Variants in NRG1 observed in about 807,000 individuals in gnomAD.
NRG1 encodes the protein neuregulin 1, also known as pro-neuregulin-1, membrane-bound isoform.
NRG1 carries 18 observed loss-of-function variants against 63.8 expected under a neutral mutation model. The ratio of observed to expected loss-of-function variants is 0.28; its 90% CI spans 0.19 to 0.42. NRG1 has a LOEUF of 0.42. NRG1 is among the 10% of genes least tolerant of loss of function. The probability of loss-of-function intolerance (pLI) is 1.00; values close to 1 mark genes in which losing one functional copy is unlikely to be tolerated. For synonymous variants in NRG1, 302 were observed against 301.3 expected, an observed-to-expected ratio of 1.00 and a Z score of -0.02; for missense variants, 762 against 814.7, an observed-to-expected ratio of 0.94 and a Z score of 0.79.
chr8:32,404,707 C>G (rs1161572229), intron 1 of NRG1, among the ~76,000 whole-genome samples: 1 of 151,732 alleles, frequency 6.6e-6, no homozygotes, highest in East Asian at 1.9e-4. Flanking sequence ...GCCTCAGCCT[C>G]CCTAGTAACT....
At chr8:31,964,353 G>A (rs1047084393) in intron 1 of NRG1, among the ~76,000 whole-genome samples, 1 of 152,204 alleles carries the variant, frequency 6.6e-6, no homozygotes, top group African/African-American at 2.4e-5. Context: ...AAAGCAAGCT[G>A]GCAATATCAG....
intron 1 of NRG1, among the ~76,000 whole-genome samples, chr8:32,389,107 A>C (rs1712795196): frequency 6.6e-6 from 1 of 152,146 alleles, no homozygotes; most frequent in Non-Finnish European, 1.5e-5. Flanking sequence ...TTGTCTTAAA[A>C]CGTCTGTCCA....
intron 1 of NRG1, among the ~76,000 whole-genome samples, chr8:32,126,157 A>G (rs947194111): frequency 2.0e-5 from 3 of 151,868 alleles, no homozygotes; most frequent in Admixed American, 6.6e-5. Flanking sequence ...AACGAACTCA[A>G]GAGGTTTTGT....
chr8:32,700,226 G>C (rs998086812), intron 5 of NRG1, among the ~76,000 whole-genome samples: 2 of 151,910 alleles, frequency 1.3e-5, no homozygotes, highest in African/African-American at 2.4e-5. Flanking sequence ...ATATATATTG[G>C]TATATATAAT....
At chr8:31,691,680 A>G (rs1377160501) in intron 1 of NRG1, among the ~76,000 whole-genome samples, 1 of 149,678 alleles carries the variant, frequency 6.7e-6, no homozygotes, top group African/African-American at 2.4e-5. Flanking sequence ...GTTAATTTTA[A>G]TAAGTTAAAG....
In NRG1 at chr8:32,250,102, A is replaced by G. The variant is rs578150094; in HGVS notation, c.38-345726A>G. ...TTTTCCGGAAGCACAGGGCTCAGGT[A>G]AGATTGAATATTTTTCATGCCTTTC... On this transcript the variant is annotated intron_variant, in intron 1 of 10. Transcript: ENST00000519301. 7.2e-5 allele frequency among the ~76,000 whole-genome samples: 11 copies of G among 152,178 alleles called. No individual in the cohort carries two copies. The South Asian group carries it at 1.5e-3, about 20-fold the overall frequency.
intron 1 of NRG1, among the ~76,000 whole-genome samples, chr8:32,422,164 AT>A (rs1410221100): frequency 1.3e-5 from 2 of 152,280 alleles, no homozygotes; most frequent in Middle Eastern, 3.4e-3. Context: ...AAAAAAGATA[AT>A]TTTTTTAAAG....
chr8:31,723,561 G>T (rs899444801), intron 1 of NRG1, among the ~76,000 whole-genome samples: 4 of 152,052 alleles, frequency 2.6e-5, no homozygotes, highest in African/African-American at 9.7e-5. Context: ...CCTGGCTCAA[G>T]TCATCTTCCC....
chr8:31,797,994 T>C (rs1299490837), intron 1 of NRG1, among the ~76,000 whole-genome samples: 1 of 151,938 alleles, frequency 6.6e-6, no homozygotes, highest in Non-Finnish European at 1.5e-5. Context: ...GAGCTCATAG[T>C]AGTAGAGAGT....
At chr8:32,315,485 G>T (rs1207691886) in intron 1 of NRG1, among the ~76,000 whole-genome samples, 1 of 152,266 alleles carries the variant, frequency 6.6e-6, no homozygotes, top group East Asian at 1.9e-4. Context: ...TCATTAATGG[G>T]CATTTGGGTT....
intron 1 of NRG1, among the ~76,000 whole-genome samples, chr8:32,043,084 T>C (rs978920488): frequency 1.3e-5 from 2 of 151,092 alleles, no homozygotes; most frequent in Non-Finnish European, 2.9e-5. Flanking sequence ...AACCTACAGA[T>C]TCAAGGACCT....
intron 1 of NRG1, among the ~76,000 whole-genome samples, chr8:31,672,182 G>C (rs1289043191): frequency 6.6e-6 from 1 of 152,058 alleles, no homozygotes; most frequent in Non-Finnish European, 1.5e-5. Context: ...GGGTGGTACT[G>C]AGAATGTTTC....
chr8:32,579,649 A>C (rs1840300499), intron 1 of NRG1, among the ~76,000 whole-genome samples: 1 of 152,194 alleles, frequency 6.6e-6, no homozygotes, highest in Non-Finnish European at 1.5e-5. Flanking sequence ...CCTGTGTATT[A>C]ATTAATGAGA....
At chr8:32,647,083 G>A (rs2129546720) in intron 5 of NRG1, 2 of 985,408 alleles carry the variant, frequency 2.0e-6, no homozygotes, top group South Asian at 9.4e-5. Context: ...CGCCCCTCCT[G>A]GCTGCACTCT....
intron 1 of NRG1, among the ~76,000 whole-genome samples, chr8:32,387,684 C>T (rs1320166454): frequency 6.6e-6 from 1 of 151,664 alleles, no homozygotes; most frequent in Non-Finnish European, 1.5e-5. Flanking sequence ...ACACCCTTTT[C>T]CTAAAACAAT....
chr8:31,839,164 AC>A (rs2129607412), intron 1 of NRG1, among the ~76,000 whole-genome samples: 1 of 152,308 alleles, frequency 6.6e-6, no homozygotes, highest in Non-Finnish European at 1.5e-5. Context: ...TAGCCTTATA[AC>A]TTTAAAAGCC....
intron 5 of NRG1, among the ~76,000 whole-genome samples, chr8:32,689,263 A>G (rs368465126): frequency 2.6e-5 from 4 of 152,094 alleles, no homozygotes; most frequent in African/African-American, 7.2e-5. Context: ...CAGTTTGTAG[A>G]TAAAACTGGG....
chr8:32,086,858 T>C (rs73676603), intron 1 of NRG1, among the ~76,000 whole-genome samples: 2,936 of 152,284 alleles, frequency 0.019, 90 homozygotes, highest in African/African-American at 0.066. Flanking sequence ...AATGAGTCAG[T>C]CTTCTTGAAG....
At chr8:31,730,913 G>T (rs1454856531) in intron 1 of NRG1, among the ~76,000 whole-genome samples, 1 of 152,086 alleles carries the variant, frequency 6.6e-6, no homozygotes, top group East Asian at 1.9e-4. Flanking sequence ...TTTAAAGAAT[G>T]TCAAGATATT....
Sources: gnomAD v4.1 joint callset for allele counts (sites outside exome capture counted in the v4.1 genomes callset) on GRCh38, gnomAD v4.1.1 for gene constraint, MANE v1.5 for transcripts, NCBI Gene and HGNC (gene_info 2026-07-23, HGNC 2026-07-21) for gene names.